The following LIN9 variants were observed in gnomAD, a reference collection of about 807,000 sequenced individuals.
LIN9 encodes the protein protein lin-9 homolog.
LIN9 carries 18 observed loss-of-function variants against 78.0 expected under a neutral mutation model. The observed-to-expected ratio is 0.23, with a 90% CI of 0.16 to 0.34. The LOEUF (loss-of-function observed/expected upper bound fraction) is 0.34, where lower values mean the gene tolerates loss of function less well. Among genes scored for constraint, LIN9 ranks in the 10% least tolerant of loss-of-function variants. The pLI is 1.00. For missense variants in LIN9, 451 were observed against 644.1 expected, an observed-to-expected ratio of 0.70 and a Z score of 3.25; for synonymous variants, 192 against 215.2, an observed-to-expected ratio of 0.89 and a Z score of 0.94.
intron 2 of LIN9, among the ~76,000 whole-genome samples, chr1:226,298,361 C>A (rs1337686445): frequency 6.6e-6 from 1 of 152,168 alleles, no homozygotes; most frequent in Non-Finnish European, 1.5e-5. Context: ...GTGTGTGCCA[C>A]CACGCCTAGC....
At chr1:226,309,275 G>A (rs374814118), upstream of LIN9, 125 of 1,129,788 alleles carry the variant, frequency 1.1e-4, 3 homozygotes, top group East Asian at 2.9e-3. Context: ...CGCCGCGGCT[G>A]GCTGAGGCGG....
At chr1:226,249,863 T>G (rs1311603988) in intron 11 of LIN9, among the ~76,000 whole-genome samples, 1 of 152,186 alleles carries the variant, frequency 6.6e-6, no homozygotes, top group Non-Finnish European at 1.5e-5. Context: ...AGTGCCTACA[T>G]AAACAGCTTT....
intron 11 of LIN9, 77 bp downstream of exon 11, chr1:226,250,762 T>A (rs1658779939): frequency 1.3e-6 from 1 of 741,784 alleles, no homozygotes; most frequent in African/African-American, 1.8e-5. Flanking sequence ...TAGATATTTT[T>A]AAATCATTAG....
rs1404103911 is a variant in LIN9, at chr1:226,277,062, C to T, written c.682+713G>A. On this transcript the variant is annotated intron_variant, in intron 7 of 14. Transcript: ENST00000681046. ...AATAATTAAAAATAAAAAAAATTTA[C>T]GGCCAGGTGTGGTGATTCATGCCTG... Among the ~76,000 whole-genome samples the T allele has an allele frequency of 2.0e-5, 3 of 151,648 alleles. No homozygotes were observed. The East Asian group carries it at 5.8e-4, about 29-fold the overall frequency.
intron 6 of LIN9, among the ~76,000 whole-genome samples, chr1:226,283,750 C>T (rs752255124): frequency 1.3e-5 from 2 of 152,068 alleles, no homozygotes; most frequent in African/African-American, 2.4e-5. Flanking sequence ...ATGTTTGAGA[C>T]CAGTCTGACC....
chr1:226,253,265 C>CAAAA (rs60102894), intron 10 of LIN9, among the ~76,000 whole-genome samples: 1 of 118,476 alleles, frequency 8.4e-6, no homozygotes, highest in Non-Finnish European at 1.7e-5. Context: ...AACCCTGTCT[C>CAAAA]AAAAAAAAAA....
At chr1:226,287,628 T>A (rs1046603092) in intron 5 of LIN9, 36 bp downstream of exon 5, 15 of 1,414,476 alleles carry the variant, frequency 1.1e-5, no homozygotes, top group Non-Finnish European at 1.3e-5. Flanking sequence ...AATTTCTGAT[T>A]CAAGTAATAT....
At chr1:226,269,457 G>C (rs962464527) in intron 7 of LIN9, among the ~76,000 whole-genome samples, 4 of 150,218 alleles carry the variant, frequency 2.7e-5, no homozygotes, top group African/African-American at 9.7e-5. Flanking sequence ...ACTGGAAATG[G>C]ATCAAATGTA....
In LIN9 at chr1:226,232,005, G is replaced by C. The variant is rs914814323; in HGVS notation, c.*496C>G. On this transcript the variant is annotated 3_prime_UTR_variant, in exon 15 of 15. Coordinates refer to ENST00000681046, the MANE Select transcript of LIN9 (RefSeq NM_001366245.2). ...ATTTCAGTGGTTTCCTTAAAACTAG[G>C]ACTTCCCACACCTCATGATGTTATC... is the stretch of plus-strand genomic sequence containing the variant. 1 of 397,088 alleles carries C rather than the reference G, an allele frequency of 2.5e-6. No individual in the cohort carries two copies. Among genetic ancestry groups the C allele is most frequent in the East Asian group, 3.6e-5 (1 of 28,004 alleles). 24.6% of individuals were successfully genotyped at this position (397,088 alleles called of 1,614,324 possible).
Position 226,265,899 on chromosome 1 carries a change from G to A in LIN9, c.937-265C>T, listed in dbSNP as rs973601073. 1.3e-5 allele frequency among the ~76,000 whole-genome samples: 2 copies of A among 151,608 alleles called. No individual in the cohort carries two copies. The highest frequency in any genetic ancestry group is 2.1e-4 in the South Asian group (1 of 4,804). ...TCACCATGTTGATCAGGTTGGTCTC[G>A]AACTCCTGACCTCGTGATCCGCCTG... On this transcript the variant is annotated intron_variant, in intron 9 of 14. Coordinates refer to ENST00000681046, the MANE Select transcript of LIN9 (RefSeq NM_001366245.2). The surrounding 1 kb of genome is among the most constrained non-coding windows in gnomAD (Gnocchi z 4.1).
intron 3 of LIN9, among the ~76,000 whole-genome samples, 194 bp from the exon 4 acceptor site, chr1:226,296,140 T>C (rs1662134471): frequency 6.6e-6 from 1 of 152,204 alleles, no homozygotes; most frequent in Non-Finnish European, 1.5e-5. Flanking sequence ...GATGTATTTA[T>C]ACAAGGTGCT....
chr1:226,287,236 G>A (rs867955279), intron 5 of LIN9, among the ~76,000 whole-genome samples: 4 of 152,214 alleles, frequency 2.6e-5, no homozygotes, highest in Middle Eastern at 3.4e-3. Context: ...TGTATACCTA[G>A]CGTGCTTAAG....
At chr1:226,283,152 G>C (rs958822042) in intron 6 of LIN9, among the ~76,000 whole-genome samples, 3 of 151,974 alleles carry the variant, frequency 2.0e-5, no homozygotes, top group African/African-American at 7.2e-5. Context: ...TTTGAGGCAG[G>C]GTCTTGTTCT....
chr1:226,283,509 A>C (rs1661204921), intron 6 of LIN9, among the ~76,000 whole-genome samples: 1 of 152,050 alleles, frequency 6.6e-6, no homozygotes, highest in Non-Finnish European at 1.5e-5. Flanking sequence ...GTAGGGAATT[A>C]GCTCTCTGTA....
At chr1:226,278,738 C>T (rs914797562) in intron 6 of LIN9, among the ~76,000 whole-genome samples, 11 of 150,816 alleles carry the variant, frequency 7.3e-5, no homozygotes, top group Non-Finnish European at 8.8e-5. Flanking sequence ...GCAGGGGAAT[C>T]GCTTGAACCC....
At chr1:226,300,624 G>A in intron 2 of LIN9, among the ~76,000 whole-genome samples, 1 of 152,198 alleles carries the variant, frequency 6.6e-6, no homozygotes, top group East Asian at 1.9e-4. Flanking sequence ...GGGAGGCCAA[G>A]GTGGGCAGAT....
At position 226,232,431 on chromosome 1, in the gene LIN9, G is replaced by C. The variant is rs1262572375; in HGVS notation, c.*70C>G. 10 of 986,364 alleles carry C rather than the reference G, an allele frequency of 1.0e-5. No individual in the cohort carries two copies. Among genetic ancestry groups the C allele is most frequent in the Admixed American group, 4.3e-5 (2 of 46,404 alleles). The allele number at this position is 986,364 out of a possible 1,614,324, so 61.1% of individuals were successfully genotyped here. On this transcript the variant is annotated 3_prime_UTR_variant, in exon 15 of 15. Transcript: ENST00000681046. ...CCAGCAGTTAGGTTATTTGGTGTTG[G>C]AAGCCTATATAAAGGAAAAGAACTT...
At position 226,277,761 on chromosome 1, in the gene LIN9, T is replaced by C. The variant is rs1450658226; in HGVS notation, c.682+14A>G. 6.2e-7 allele frequency: 1 copy of C among 1,606,186 alleles called. No individual in the cohort carries two copies. Among genetic ancestry groups the C allele is most frequent in the African/African-American group, 1.3e-5 (1 of 74,586 alleles). On this transcript the variant is annotated intron_variant, in intron 7 of 14. Transcript: ENST00000681046. ...ATTACAAGTCAAAAGAGTAATTAGC[T>C]TGTTTTCACTTACCTGTAACTTTCG...
intron 4 of LIN9, among the ~76,000 whole-genome samples, chr1:226,294,584 CA>C (rs1294368127): frequency 1.4e-3 from 209 of 144,872 alleles, no homozygotes; most frequent in African/African-American, 4.9e-3. Context: ...AAAAAAAAAA[CA>C]AAAAAAAAAA....
Sources: allele counts gnomAD v4.1 joint callset (sites outside exome capture counted in the v4.1 genomes callset), GRCh38; gene constraint gnomAD v4.1.1; non-coding constraint Gnocchi (gnomAD v3.1); transcripts MANE v1.5; gene names NCBI Gene and HGNC (gene_info 2026-07-23, HGNC 2026-07-21).